NUDT5: variants seen among roughly 807,000 people sequenced by gnomAD.
The protein encoded by NUDT5 is ADP-sugar pyrophosphatase.
A neutral mutation model predicts 34.1 loss-of-function variants in NUDT5; 21 were observed. The ratio of observed to expected loss-of-function variants is 0.62; its 90% CI spans 0.44 to 0.89. The LOEUF (loss-of-function observed/expected upper bound fraction) is 0.89, where lower values mean the gene tolerates loss of function less well. NUDT5 is among the 40% of genes least tolerant of loss of function. The pLI, the probability that NUDT5 is intolerant of heterozygous loss-of-function variation, is 0.00. For synonymous variants in NUDT5, 85 were observed against 97.6 expected (o/e 0.87, Z 0.76); for missense variants, 249 against 274.8 (o/e 0.91, Z 0.66).
At position 12,170,699 on chromosome 10, in the gene NUDT5, G is replaced by A. The variant is rs370311380; in HGVS notation, c.550+18C>T. 228 of 1,611,830 alleles carry A rather than the reference G, an allele frequency of 1.4e-4. No individual in the cohort carries two copies. Among genetic ancestry groups the A allele is most frequent in the Middle Eastern group, 1.9e-4 (1 of 5,160 alleles). ...GGGAGAACTGGAGAAACTGGGTGGC[G>A]GTCTGGAGAATGCTTACCATCAAGT... On this transcript the variant is annotated intron_variant, in intron 9 of 9. Transcript: ENST00000491614. This position sits in a 1 kb window ranked among gnomAD's most constrained non-coding sequence, Gnocchi z 4.9.
Position 12,167,433 on chromosome 10 carries a change from T to C in NUDT5, c.*269A>G, listed in dbSNP as rs1588651354. ...CTGGACTAGAAAAGTAACTGAGCTG[T>C]AGTTAACTGCTGTTGAGCTTTAAAA... On this transcript the variant is annotated 3_prime_UTR_variant, in exon 10 of 10. Transcript: ENST00000491614. 5.6e-6 allele frequency: 2 copies of C among 355,512 alleles called. No individual in the cohort carries two copies. Among genetic ancestry groups the C allele is most frequent in the East Asian group, 7.1e-5 (1 of 14,148 alleles). The allele number at this position is 355,512 out of a possible 1,614,324, so 22.0% of individuals were successfully genotyped here.
At position 12,169,335 on chromosome 10, in the gene NUDT5, C is replaced by T. The variant is rs1388315089; in HGVS notation, c.550+1382G>A. ...AGGATACTCTTCTACTAAAAGATAA[C>T]CCCGCACGGCATTTCACACTTGCCT... On this transcript the variant is annotated intron_variant, in intron 9 of 9. Transcript: ENST00000491614. This position sits in a 1 kb window ranked among gnomAD's most constrained non-coding sequence, Gnocchi z 4.8. 6.5e-7 allele frequency: 1 copy of T among 1,543,150 alleles called. No individual in the cohort carries two copies.
intron 4 of NUDT5, among the ~76,000 whole-genome samples, chr10:12,178,675 T>C (rs925158839): frequency 1.3e-5 from 2 of 152,206 alleles, no homozygotes; most frequent in Non-Finnish European, 2.9e-5. Flanking sequence ...GCCCAATTAA[T>C]TCCGTGTCCT....
rs1222389065 is a variant in NUDT5, at chr10:12,187,287, T to G, written c.-41-955A>C. Among the ~76,000 whole-genome samples the G allele has an allele frequency of 6.6e-6, 1 of 152,114 alleles. No individual in the cohort carries two copies. Among genetic ancestry groups the G allele is most frequent in the African/African-American group, 2.4e-5 (1 of 41,424 alleles). On this transcript the variant is annotated intron_variant, in intron 1 of 9. Coordinates refer to ENST00000491614, the MANE Select transcript of NUDT5 (RefSeq NM_014142.4). The surrounding 1 kb of genome is among the most constrained non-coding windows in gnomAD (Gnocchi z 5.4). ...GGGCTCAAGCGATCCTCCTCCCGCC[T>G]CGGTGTCCCAAAGTGCTGGGATTAC...
chr10:12,177,992 TTTAAGAAAC>T, intron 4 of NUDT5, 92 bp from the exon 5 acceptor site: 1 of 802,164 alleles, frequency 1.2e-6, no homozygotes, highest in South Asian at 1.6e-5. Flanking sequence ...AACCCCAGAC[TTTAAGAAAC>T]TCCGTTTTAA....
chr10:12,187,069 G>A lies in NUDT5; in HGVS notation c.-41-737C>T, dbSNP rs1275558702. ...TTTTTGAGATGTAAGATCTCACTCT[G>A]TTGCACAGGTTGGAGTGCAGTGGCG... is the stretch of plus-strand genomic sequence containing the variant. On this transcript the variant is annotated intron_variant, in intron 1 of 9. Transcript: ENST00000491614. This position sits in a 1 kb window ranked among gnomAD's most constrained non-coding sequence, Gnocchi z 5.4. Among the ~76,000 whole-genome samples the A allele has an allele frequency of 1.3e-5, 2 of 152,160 alleles. No homozygotes were observed. The highest frequency in any genetic ancestry group is 4.8e-5 in the African/African-American group (2 of 41,434).
intron 2 of NUDT5, 87 bp downstream of exon 2, chr10:12,186,142 G>A: frequency 9.6e-7 from 1 of 1,045,874 alleles, no homozygotes; most frequent in Non-Finnish European, 1.5e-6. Flanking sequence ...AAGAATGAAA[G>A]ACCACCATTG....
At chr10:12,178,449 TCCCCTGGCTCCCCACA>T in intron 4 of NUDT5, among the ~76,000 whole-genome samples, 1 of 152,166 alleles carries the variant, frequency 6.6e-6, no homozygotes, top group South Asian at 2.1e-4. Flanking sequence ...CCCAGGAGGG[TCCCCTGGCTCCCCACA>T]GCTTCCTATC....
At chr10:12,176,797 C>T (rs943823078) in intron 5 of NUDT5, among the ~76,000 whole-genome samples, 1 of 152,142 alleles carries the variant, frequency 6.6e-6, no homozygotes, top group East Asian at 1.9e-4. Context: ...CAGAGCAAAC[C>T]GTCTTCTCCA....
rs144666536 is a variant in NUDT5, at chr10:12,181,763, G to A, written c.132-2631C>T. 1.1e-3 allele frequency among the ~76,000 whole-genome samples: 165 copies of A among 152,198 alleles called. 1 individual carries two copies. Among genetic ancestry groups the A allele is most frequent in the Middle Eastern group, 3.4e-3 (1 of 292 alleles). On this transcript the variant is annotated intron_variant, in intron 3 of 9. Transcript: ENST00000491614. The surrounding 1 kb of genome is among the most constrained non-coding windows in gnomAD (Gnocchi z 5.0). ...GGAGGCCAAGGTAGGAGGACTGCTTGAGTTCAGGGGTTCGAGACCAGCCTG... is the reference window on the plus strand; with the variant it reads ...GGAGGCCAAGGTAGGAGGACTGCTTAAGTTCAGGGGTTCGAGACCAGCCTG...
At chr10:12,190,795 G>A (rs1422659147) in intron 1 of NUDT5, among the ~76,000 whole-genome samples, 4 of 151,700 alleles carry the variant, frequency 2.6e-5, no homozygotes, top group African/African-American at 9.7e-5. Flanking sequence ...TTTTAGTAGA[G>A]ACGGGGTTTC....
At chr10:12,193,547 T>G (rs954456738) in intron 1 of NUDT5, among the ~76,000 whole-genome samples, 2 of 152,206 alleles carry the variant, frequency 1.3e-5, no homozygotes, top group African/African-American at 4.8e-5. Context: ...TACAATGACT[T>G]CATGGCTTAG....
chr10:12,171,573 T>C lies in NUDT5; in HGVS notation c.488-665A>G, dbSNP rs1834854767. 6.6e-6 allele frequency among the ~76,000 whole-genome samples: 1 copy of C among 152,054 alleles called. No individual in the cohort carries two copies. The highest frequency in any genetic ancestry group is 2.4e-5 in the African/African-American group (1 of 41,392). Reference sequence around the variant, plus strand: ...TGTTTCACTTCTTCTGGGTGTAGACTTAGGAGATGAAATGCCAGATCATAT... The same window carrying C: ...TGTTTCACTTCTTCTGGGTGTAGACCTAGGAGATGAAATGCCAGATCATAT... On this transcript the variant is annotated intron_variant, in intron 7 of 9. Transcript: ENST00000491614. This position sits in a 1 kb window ranked among gnomAD's most constrained non-coding sequence, Gnocchi z 4.2.
At chr10:12,174,265 CTTTTTTTTT>C in intron 5 of NUDT5, among the ~76,000 whole-genome samples, 1 of 135,714 alleles carries the variant, frequency 7.4e-6, no homozygotes, top group East Asian at 2.2e-4. Flanking sequence ...GATTGGAACT[CTTTTTTTTT>C]TTTTTTTTGA....
rs1051676446 is a variant in NUDT5, at chr10:12,165,910, C to T, written c.*1792G>A. On this transcript the variant is annotated 3_prime_UTR_variant, in exon 10 of 10. Coordinates refer to ENST00000491614, the MANE Select transcript of NUDT5 (RefSeq NM_014142.4). Reference sequence around the variant, plus strand: ...AACATCCACCCAGTGTTATGACGTCCGATTTTTTTTTCCCTTAAGAAGGTG... The same window carrying T: ...AACATCCACCCAGTGTTATGACGTCTGATTTTTTTTTCCCTTAAGAAGGTG... 3.9e-5 allele frequency: 6 copies of T among 152,076 alleles called. No homozygotes were observed. The highest frequency in any genetic ancestry group is 1.9e-4 in the East Asian group (1 of 5,204). 9.4% of individuals were successfully genotyped at this position (152,076 alleles called of 1,614,324 possible).
At position 12,170,752 on chromosome 10, in the gene NUDT5, G is replaced by A. The variant is rs186776026; in HGVS notation, c.515C>T (p.Ser172Phe). The A allele has an allele frequency of 1.2e-6, 2 of 1,613,992 alleles. No homozygotes were observed. The highest frequency in any genetic ancestry group is 1.7e-5 in the Admixed American group (1 of 59,996). ...CTGCAGCAGGTCATTCTTGGGTAAA[G>A]AAATGACTTCCACAAACTCTAAACA... is the stretch of plus-strand genomic sequence containing the variant. ...PGDGEFVEVI[S>F]LPKNDLLQRL... The change falls in exon 9 of 10, where the codon TCT (serine) becomes TTT (phenylalanine). Residue 172 changes from serine (S) to phenylalanine (F), a missense_variant. Physicochemically the swap from Ser to Phe is radical, Grantham distance 155. Transcript: ENST00000491614. The surrounding 1 kb of genome is among the most constrained non-coding windows in gnomAD (Gnocchi z 4.9).
Position 12,181,418 on chromosome 10 carries a change from G to A in NUDT5, c.132-2286C>T, listed in dbSNP as rs1156954465. 5.9e-5 allele frequency among the ~76,000 whole-genome samples: 9 copies of A among 152,284 alleles called. No homozygotes were observed. The highest frequency in any genetic ancestry group is 2.1e-4 in the South Asian group (1 of 4,822). On this transcript the variant is annotated intron_variant, in intron 3 of 9. Coordinates refer to ENST00000491614, the MANE Select transcript of NUDT5 (RefSeq NM_014142.4). The surrounding 1 kb of genome is among the most constrained non-coding windows in gnomAD (Gnocchi z 5.0). Reference sequence around the variant, plus strand: ...TATTCCTTACCCGAAACGAGGGGCCGGAAGTGTTTCAGAGTTTGGTTTTTC... The same window carrying A: ...TATTCCTTACCCGAAACGAGGGGCCAGAAGTGTTTCAGAGTTTGGTTTTTC...
At chr10:12,189,149 C>A (rs187627998) in intron 1 of NUDT5, among the ~76,000 whole-genome samples, 2 of 151,988 alleles carry the variant, frequency 1.3e-5, no homozygotes, top group Non-Finnish European at 2.9e-5. Context: ...TCTTGTTGCC[C>A]GGCTGGAGTG....
intron 4 of NUDT5, among the ~76,000 whole-genome samples, chr10:12,178,345 G>A (rs1396892424): frequency 7.0e-6 from 1 of 143,474 alleles, no homozygotes; most frequent in Admixed American, 6.9e-5. Context: ...TGATTTTCCA[G>A]TTTTAGGGTA....
Sources: gnomAD v4.1 joint callset for allele counts (sites outside exome capture counted in the v4.1 genomes callset) on GRCh38, gnomAD v4.1.1 for gene constraint, Gnocchi (gnomAD v3.1) non-coding constraint, MANE v1.5 for transcripts, NCBI Gene and HGNC (gene_info 2026-07-23, HGNC 2026-07-21) for gene names.